NRG3: variants seen among roughly 807,000 people sequenced by gnomAD.
NRG3 encodes the protein neuregulin 3.
NRG3 carries 31 observed loss-of-function variants against 66.9 expected under a neutral mutation model. The observed-to-expected ratio is 0.46, with a 90% CI of 0.35 to 0.63. The LOEUF is 0.63. Ranked by LOEUF, NRG3 falls within the 20% of genes least tolerant of loss-of-function variation. The probability of loss-of-function intolerance (pLI) is 0.00; values close to 1 mark genes in which losing one functional copy is unlikely to be tolerated. For missense variants in NRG3, 910 were observed against 878.9 expected, an observed-to-expected ratio of 1.04 and a Z score of -0.45; for synonymous variants, 393 against 359.4, an observed-to-expected ratio of 1.09 and a Z score of -1.06.
intron 3 of NRG3, among the ~76,000 whole-genome samples, chr10:82,849,430 T>G (rs2063462035): frequency 6.6e-6 from 1 of 152,166 alleles, no homozygotes; most frequent in African/African-American, 2.4e-5. Context: ...CCTAGATAAC[T>G]AACACACAGT....
intron 5 of NRG3, among the ~76,000 whole-genome samples, chr10:82,955,797 C>T (rs557201123): frequency 1.2e-4 from 19 of 152,014 alleles, no homozygotes; most frequent in South Asian, 1.0e-3. Context: ...AGGATTTAGT[C>T]GCCAAGTTTG....
At chr10:82,254,654 TACAC>T (rs147171906) in intron 1 of NRG3, among the ~76,000 whole-genome samples, 8 of 148,888 alleles carry the variant, frequency 5.4e-5, no homozygotes, top group East Asian at 2.0e-4. Context: ...ACAAAACAAA[TACAC>T]ACACACACAC....
chr10:82,299,471 C>T (rs1181520020), intron 1 of NRG3, among the ~76,000 whole-genome samples: 1 of 151,764 alleles, frequency 6.6e-6, no homozygotes, highest in African/African-American at 2.4e-5. Flanking sequence ...TATCCATGAG[C>T]ACAAAATCCA....
intron 1 of NRG3, among the ~76,000 whole-genome samples, chr10:82,343,651 C>T (rs1432233165): frequency 6.6e-6 from 1 of 152,090 alleles, no homozygotes; most frequent in Non-Finnish European, 1.5e-5. Context: ...ATACTAAAGA[C>T]AGATTTATAC....
chr10:82,940,546 C>A (rs1848495541), intron 4 of NRG3, among the ~76,000 whole-genome samples: 1 of 152,092 alleles, frequency 6.6e-6, no homozygotes, highest in South Asian at 2.1e-4. Flanking sequence ...CTTCAAAGAC[C>A]CTTTCTTAGT....
intron 1 of NRG3, among the ~76,000 whole-genome samples, chr10:81,952,902 T>C (rs1167279142): frequency 6.6e-6 from 1 of 152,128 alleles, no homozygotes. Context: ...GCCTCAATCC[T>C]GTTTAACTGA....
chr10:82,618,473 GTACCA>G (rs2048815085), intron 2 of NRG3, among the ~76,000 whole-genome samples: 1 of 151,816 alleles, frequency 6.6e-6, no homozygotes, highest in South Asian at 2.1e-4. Context: ...AAATTATCTT[GTACCA>G]TACCTGTCTC....
chr10:82,975,295 A>G (rs1056885457), intron 7 of NRG3, among the ~76,000 whole-genome samples: 5 of 152,240 alleles, frequency 3.3e-5, no homozygotes, highest in Admixed American at 2.0e-4. Context: ...CCACCTAGTC[A>G]AGTAATTCAG....
chr10:82,301,686 C>CTATATATATATATATATATATATATA lies in NRG3; in HGVS notation c.824-57032_824-57031insATATATATATATATATATATATATAT, dbSNP rs60882154. Among the ~76,000 whole-genome samples, 220 of 137,520 alleles carry CTATATATATATATATATATATATATA rather than the reference C, an allele frequency of 1.6e-3. 2 individuals are homozygous for CTATATATATATATATATATATATATA. Among genetic ancestry groups the CTATATATATATATATATATATATATA allele is most frequent in the Non-Finnish European group, 2.6e-3 (163 of 62,992 alleles). The allele number at this position is 137,520 out of a possible 152,430, so 90.2% of individuals were successfully genotyped here. On this transcript the variant is annotated intron_variant, in intron 1 of 8. Transcript: ENST00000372141. ...TATGTATATGTATACACATATATTCCTATATATATATATATATATATGTAA... is the reference window on the plus strand; with the variant it reads ...TATGTATATGTATACACATATATTCCTATATATATATATATATATATATATATATATATATATATATATATATGTAA...
chr10:81,965,204 G>A (rs988213590), intron 1 of NRG3, among the ~76,000 whole-genome samples: 2 of 152,128 alleles, frequency 1.3e-5, no homozygotes, highest in African/African-American at 4.8e-5. Context: ...TTTGCTGGTG[G>A]CTCTGGTTAT....
intron 2 of NRG3, among the ~76,000 whole-genome samples, chr10:82,385,622 G>A (rs1031660318): frequency 3.3e-5 from 5 of 152,030 alleles, no homozygotes; most frequent in African/African-American, 1.2e-4. Context: ...GAATAAGGAG[G>A]GCAATATTTT....
intron 1 of NRG3, among the ~76,000 whole-genome samples, chr10:82,203,824 G>A (rs2074973573): frequency 6.6e-6 from 1 of 152,094 alleles, no homozygotes. Flanking sequence ...ACAACAGCCA[G>A]GAACATCCAT....
At chr10:82,155,660 T>TC (rs1332293343) in intron 1 of NRG3, among the ~76,000 whole-genome samples, 2 of 151,804 alleles carry the variant, frequency 1.3e-5, no homozygotes, top group African/African-American at 4.8e-5. Context: ...CAAAGAGACT[T>TC]CAGTAGAGCA....
At position 82,546,935 on chromosome 10, in the gene NRG3, GA is replaced by G. The variant is rs1281575069; in HGVS notation, c.953+188073del. ...AATTACTGTATTTGAAAAATAGGGG[GA>G]AAAAACAAAGAAGAAAGGGAGGAAG... On this transcript the variant is annotated intron_variant, in intron 2 of 8. Coordinates refer to ENST00000372141, the MANE Select transcript of NRG3 (RefSeq NM_001010848.4). Among the ~76,000 whole-genome samples, 4 of 152,024 alleles carry G rather than the reference GA, an allele frequency of 2.6e-5. No homozygotes were observed. In the East Asian group the frequency reaches 7.8e-4, roughly 29 times the overall value.
chr10:82,699,412 A>G (rs1169959272), intron 2 of NRG3, among the ~76,000 whole-genome samples: 1 of 151,946 alleles, frequency 6.6e-6, no homozygotes, highest in African/African-American at 2.4e-5. Context: ...TTCTTGCGCA[A>G]ATTATTTTTA....
At chr10:82,562,809 G>A (rs1460828770) in intron 2 of NRG3, among the ~76,000 whole-genome samples, 2 of 151,416 alleles carry the variant, frequency 1.3e-5, no homozygotes, top group Admixed American at 6.6e-5. Context: ...AGCTGTAAGG[G>A]CAAGGGACAC....
chr10:82,956,847 G>T (rs1010988166), intron 5 of NRG3, among the ~76,000 whole-genome samples: 8 of 151,892 alleles, frequency 5.3e-5, no homozygotes, highest in Admixed American at 4.6e-4. Flanking sequence ...TTAACAATAG[G>T]CTATAGATTA....
At chr10:82,698,171 G>A (rs564053443) in intron 2 of NRG3, among the ~76,000 whole-genome samples, 34 of 116,230 alleles carry the variant, frequency 2.9e-4, no homozygotes, top group African/African-American at 8.2e-4. Flanking sequence ...TTCATAACAC[G>A]TTTGATTTTT....
At chr10:82,671,226 A>T (rs961685372) in intron 2 of NRG3, among the ~76,000 whole-genome samples, 16 of 152,114 alleles carry the variant, frequency 1.1e-4, no homozygotes, top group Admixed American at 2.6e-4. Context: ...TCTCTTTCTT[A>T]GTTATGTCAC....
Sources: allele counts gnomAD v4.1 joint callset (sites outside exome capture counted in the v4.1 genomes callset), GRCh38; gene constraint gnomAD v4.1.1; transcripts MANE v1.5; gene names NCBI Gene and HGNC (gene_info 2026-07-23, HGNC 2026-07-21).